CLCN3: variants seen among roughly 807,000 people sequenced by gnomAD.
The protein encoded by CLCN3 is H(+)/Cl(-) exchange transporter 3.
Under a neutral mutation model 83.4 loss-of-function variants are expected in CLCN3, and 16 were observed. The observed-to-expected ratio is 0.19, with a 90% CI of 0.13 to 0.29. CLCN3 has a LOEUF of 0.29. CLCN3 is among the 10% of genes least tolerant of loss of function. The probability of loss-of-function intolerance (pLI) is 1.00; values close to 1 mark genes in which losing one functional copy is unlikely to be tolerated. For missense variants in CLCN3, 544 were observed against 1,006.0 expected, an observed-to-expected ratio of 0.54 and a Z score of 6.21; for synonymous variants, 322 against 346.2, an observed-to-expected ratio of 0.93 and a Z score of 0.78.
intron 2 of CLCN3, among the ~76,000 whole-genome samples, chr4:169,646,994 T>TG (rs1730591360): frequency 6.6e-6 from 1 of 152,240 alleles, no homozygotes; most frequent in Admixed American, 6.5e-5. Flanking sequence ...AATTTTAGCC[T>TG]GAGTGCCCAA....
At position 169,653,618 on chromosome 4, in the gene CLCN3, G is replaced by T. The variant is rs564328661; in HGVS notation, c.160+17530G>T. On this transcript the variant is annotated intron_variant, in intron 2 of 12. Transcript: ENST00000513761. ...ATCATGCCACCGCATTCCAGGCTGG[G>T]TGACAGAGTGAGACTCCGTCTCAAA... Among the ~76,000 whole-genome samples the T allele has an allele frequency of 3.4e-4, 44 of 128,974 alleles. 1 individual carries two copies. The South Asian group carries it at 0.011, about 31-fold the overall frequency. 84.6% of individuals were successfully genotyped at this position (128,974 alleles called of 152,430 possible).
Position 169,695,494 on chromosome 4 carries a change from G to A in CLCN3, c.937-118G>A. Reference sequence around the variant, plus strand: ...AGTTACCCTTTGCTTAGGGAGCAAGGAAACATGCAAGTTAAATTCAGAAAA... The same window carrying A: ...AGTTACCCTTTGCTTAGGGAGCAAGAAAACATGCAAGTTAAATTCAGAAAA... On this transcript the variant is annotated intron_variant, in intron 7 of 12. Transcript: ENST00000513761. 4.0e-6 allele frequency: 3 copies of A among 745,072 alleles called. No individual in the cohort carries two copies. In the Admixed American group the frequency reaches 7.1e-5, roughly 18 times the overall value. The allele number at this position is 745,072 out of a possible 1,614,324, so 46.2% of individuals were successfully genotyped here.
At chr4:169,632,542 C>T (rs892611653) in intron 1 of CLCN3, among the ~76,000 whole-genome samples, 2 of 151,676 alleles carry the variant, frequency 1.3e-5, no homozygotes, top group African/African-American at 4.8e-5. Flanking sequence ...ATGGTGAAAC[C>T]CCGTCTCTAC....
In CLCN3 at chr4:169,707,180, G is replaced by A. The variant is rs1733028035; in HGVS notation, c.2063G>A (p.Ser688Asn). ...ATAGAAAACATGATTAATGAAACCA[G>A]CTACAATGGATTTCCTGTCATAATG... ...DDIENMINET[S>N]YNGFPVIMSK... Residue 688 changes from serine (S) to asparagine (N), a missense_variant, in exon 11 of 13, where the codon AGC (serine) becomes AAC (asparagine). Physicochemically the swap from Ser to Asn is conservative, Grantham distance 46. Coordinates refer to ENST00000513761, the MANE Select transcript of CLCN3 (RefSeq NM_001829.4). 6.2e-7 allele frequency: 1 copy of A among 1,613,746 alleles called. No individual in the cohort carries two copies. The highest frequency in any genetic ancestry group is 8.5e-7 in the Non-Finnish European group (1 of 1,179,778).
Position 169,720,019 on chromosome 4 carries a change from A to G in CLCN3, c.*22A>G. The stretch of plus-strand genomic sequence containing the variant: ...CTGAATCTCACAGATGAGGAGAGAG[A>G]AGAAACGGAAGAGGAAGTTTATTTG... On this transcript the variant is annotated 3_prime_UTR_variant, in exon 13 of 13. Coordinates refer to ENST00000513761, the MANE Select transcript of CLCN3 (RefSeq NM_001829.4). The G allele has an allele frequency of 6.2e-7, 1 of 1,613,702 alleles. No homozygotes were observed. The highest frequency in any genetic ancestry group is 8.5e-7 in the Non-Finnish European group (1 of 1,179,794).
chr4:169,635,529 C>A (rs777390471), intron 1 of CLCN3, among the ~76,000 whole-genome samples: 1 of 151,908 alleles, frequency 6.6e-6, no homozygotes, highest in Non-Finnish European at 1.5e-5. Context: ...CCTCTTACAC[C>A]TGATAAAATA....
At chr4:169,674,725 C>T (rs540954447) in intron 2 of CLCN3, among the ~76,000 whole-genome samples, 3 of 152,204 alleles carry the variant, frequency 2.0e-5, no homozygotes, top group Middle Eastern at 3.4e-3. Context: ...GTGCCACTCT[C>T]CTTTTAGAAG....
intron 1 of CLCN3, among the ~76,000 whole-genome samples, chr4:169,630,183 T>C (rs900717122): frequency 1.3e-5 from 2 of 152,252 alleles, no homozygotes; most frequent in African/African-American, 4.8e-5. Flanking sequence ...GTTTATTCCA[T>C]GGGTATACAG....
chr4:169,669,368 G>A (rs1313013983), intron 2 of CLCN3, among the ~76,000 whole-genome samples: 1 of 152,128 alleles, frequency 6.6e-6, no homozygotes, highest in Non-Finnish European at 1.5e-5. Flanking sequence ...GTGCTTGCCT[G>A]CAGTCCCAAC....
chr4:169,671,396 A>G (rs572560942), intron 2 of CLCN3, among the ~76,000 whole-genome samples: 1 of 152,270 alleles, frequency 6.6e-6, no homozygotes, highest in Admixed American at 6.5e-5. Flanking sequence ...GAGTTGAACA[A>G]TGAGAGCACA....
At chr4:169,702,400 T>G (rs1396894446) in intron 9 of CLCN3, among the ~76,000 whole-genome samples, 1 of 152,214 alleles carries the variant, frequency 6.6e-6, no homozygotes, top group Non-Finnish European at 1.5e-5. Context: ...ATCAGAGCTC[T>G]TGGAAGACCA....
Position 169,707,229 on chromosome 4 carries a change from G to A in CLCN3, c.2112G>A (p.Val704=). 6.2e-7 allele frequency: 1 copy of A among 1,612,950 alleles called. No individual in the cohort carries two copies. Residue 704 remains valine, a synonymous_variant, in exon 11 of 13, where the codon GTG becomes GTA. Coordinates refer to ENST00000513761, the MANE Select transcript of CLCN3 (RefSeq NM_001829.4). Reference sequence around the variant, plus strand: ...TGTCAAAAGAATCTCAGAGATTAGTGGGATTTGCCCTCAGAAGAGACCTGA... The same window carrying A: ...TGTCAAAAGAATCTCAGAGATTAGTAGGATTTGCCCTCAGAAGAGACCTGA... ...VIMSKESQRL[V]GFALRRDLTI...
At chr4:169,697,019 C>A (rs564205995) in intron 8 of CLCN3, among the ~76,000 whole-genome samples, 170 bp from the exon 9 acceptor site, 108 of 151,952 alleles carry the variant, frequency 7.1e-4, no homozygotes, top group South Asian at 2.9e-3. Context: ...ATCACCATCT[C>A]CAAAAATAAT....
chr4:169,678,963 G>T (rs540687939), intron 2 of CLCN3, among the ~76,000 whole-genome samples: 36 of 152,312 alleles, frequency 2.4e-4, no homozygotes, highest in Admixed American at 8.5e-4. Context: ...AGGCAGAGGG[G>T]CTCCTCACTT....
chr4:169,627,116 T>A (rs774781828), intron 1 of CLCN3, among the ~76,000 whole-genome samples: 6 of 152,102 alleles, frequency 3.9e-5, no homozygotes, highest in Non-Finnish European at 5.9e-5. Context: ...TATAGATGAG[T>A]ATGTAAGTTT....
At chr4:169,676,844 A>G (rs1227779320) in intron 2 of CLCN3, among the ~76,000 whole-genome samples, 1 of 152,062 alleles carries the variant, frequency 6.6e-6, no homozygotes, top group African/African-American at 2.4e-5. Flanking sequence ...TTTACAGACT[A>G]TACTCATATA....
At chr4:169,674,248 T>A (rs1731590955) in intron 2 of CLCN3, among the ~76,000 whole-genome samples, 1 of 152,210 alleles carries the variant, frequency 6.6e-6, no homozygotes, top group African/African-American at 2.4e-5. Flanking sequence ...TTTGCAGAAT[T>A]TCCCTTAGTT....
chr4:169,692,357 T>C (rs1167694643), intron 7 of CLCN3, 37 bp downstream of exon 7: 2 of 1,020,332 alleles, frequency 2.0e-6, no homozygotes, highest in Admixed American at 4.0e-5. Context: ...CTGAAAAATA[T>C]ATATTATATA....
Position 169,707,137 on chromosome 4 carries a change from A to G in CLCN3, c.2020A>G (p.Asn674Asp), listed in dbSNP as rs1338340614. ...DPPLAVLTQD[N>D]MTVDDIENMI... ...TCCCTTAGCTGTCCTGACACAGGACAATATGACAGTGGATGATATAGAAAA... is the reference window on the plus strand; with the variant it reads ...TCCCTTAGCTGTCCTGACACAGGACGATATGACAGTGGATGATATAGAAAA... Residue 674 changes from asparagine to aspartate, a missense_variant, in exon 11 of 13, where the codon AAT (asparagine) becomes GAT (aspartate). This residue lies in a region of CLCN3 where 142 missense variants were observed against 225.0 expected (regional missense o/e 0.63). Coordinates refer to ENST00000513761, the MANE Select transcript of CLCN3 (RefSeq NM_001829.4). The G allele has an allele frequency of 1.2e-6, 2 of 1,614,076 alleles. No homozygotes were observed. The highest frequency in any genetic ancestry group is 1.7e-6 in the Non-Finnish European group (2 of 1,180,010).
Sources: allele counts gnomAD v4.1 joint callset (sites outside exome capture counted in the v4.1 genomes callset), GRCh38; gene constraint gnomAD v4.1.1; regional missense constraint gnomAD v4.1.1; transcripts MANE v1.5; gene names NCBI Gene and HGNC (gene_info 2026-07-23, HGNC 2026-07-21).